IHO1: variants seen among roughly 807,000 people sequenced by gnomAD.
IHO1 encodes the protein interactor of HORMAD1 protein 1.
Under a neutral mutation model 31.0 loss-of-function variants are expected in IHO1, and 13 were observed. The observed-to-expected ratio is 0.42, with a 90% CI of 0.27 to 0.67. The LOEUF (loss-of-function observed/expected upper bound fraction) is 0.67. Among genes scored for constraint, IHO1 ranks in the 30% least tolerant of loss-of-function variants. IHO1 has a pLI of 0.24. For missense variants in IHO1, 599 were observed against 687.5 expected (o/e 0.87, Z 1.44); for synonymous variants, 221 against 248.4 (o/e 0.89, Z 1.04).
At chr3:49,213,716 C>T (rs985578202) in intron 2 of IHO1, among the ~76,000 whole-genome samples, 3 of 152,218 alleles carry the variant, frequency 2.0e-5, no homozygotes, top group Non-Finnish European at 4.4e-5. Flanking sequence ...GGGCCAGCGG[C>T]GCAGGCTGGC....
rs1040534104 is a variant in IHO1, at chr3:49,258,082, A to G, written c.*800A>G. 2.0e-5 allele frequency: 3 copies of G among 152,192 alleles called. No homozygotes were observed. The highest frequency in any genetic ancestry group is 4.4e-5 in the Non-Finnish European group (3 of 68,038). The allele number at this position is 152,192 out of a possible 1,614,324, so 9.4% of individuals were successfully genotyped here. A position where few individuals can be genotyped will look rare whatever the true frequency, so the allele number is the denominator to read the frequency against. On this transcript the variant is annotated 3_prime_UTR_variant, in exon 8 of 8. Coordinates refer to ENST00000452691, the MANE Select transcript of IHO1 (RefSeq NM_001135197.2). ...CAACACAAGTATTTTTTGTTATCAG[A>G]AATAAGATAAAACATTTAAAAGCAT...
intron 2 of IHO1, among the ~76,000 whole-genome samples, chr3:49,224,998 T>C (rs1158415118): frequency 6.6e-6 from 1 of 152,226 alleles, no homozygotes; most frequent in African/African-American, 2.4e-5. Flanking sequence ...CCTTGTATTA[T>C]TTTGATAGCC....
intron 2 of IHO1, among the ~76,000 whole-genome samples, chr3:49,226,411 G>A (rs569891527): frequency 5.3e-4 from 81 of 152,066 alleles, no homozygotes; most frequent in Admixed American, 1.6e-3. Context: ...AAGGCTTCCC[G>A]TAACCGCGCG....
intron 2 of IHO1, among the ~76,000 whole-genome samples, chr3:49,223,387 C>T (rs2046378043): frequency 6.6e-6 from 1 of 152,154 alleles, no homozygotes; most frequent in South Asian, 2.1e-4. Context: ...CCTGAGTTAT[C>T]ATGGCTTTAA....
upstream of IHO1, among the ~76,000 whole-genome samples, chr3:49,195,706 T>A (rs753195941): frequency 6.6e-6 from 1 of 151,346 alleles, no homozygotes; most frequent in Non-Finnish European, 1.5e-5. Flanking sequence ...AGAGTGAGAC[T>A]CCATCTCAAA....
At chr3:49,191,864 T>C in the IHO1 span, 7 of 1,263,730 alleles carry the variant, frequency 5.5e-6, no homozygotes, top group Non-Finnish European at 7.8e-6. Context: ...AATTTTTTGT[T>C]GCTTAGTGAC....
chr3:49,242,822 A>C lies in IHO1; in HGVS notation c.395+1433A>C, dbSNP rs139586035. ...CTCCATCTCAAACAAACAAGCAAAA[A>C]AACAACAACAACAACAAAAAAGAAT... On this transcript the variant is annotated intron_variant, in intron 4 of 7. Transcript: ENST00000452691. Among the ~76,000 whole-genome samples the C allele has an allele frequency of 8.7e-3, 1,319 of 152,218 alleles. 20 individuals carry two copies. The highest frequency in any genetic ancestry group is 0.01 in the Middle Eastern group (3 of 294).
chr3:49,241,779 C>A (rs1559449971), intron 4 of IHO1, among the ~76,000 whole-genome samples: 1 of 151,934 alleles, frequency 6.6e-6, no homozygotes, highest in Admixed American at 6.6e-5. Context: ...TGCCACCATG[C>A]CTGGCTAATT....
At chr3:49,236,923 A>T (rs1448741274) in intron 3 of IHO1, among the ~76,000 whole-genome samples, 1 of 151,950 alleles carries the variant, frequency 6.6e-6, no homozygotes. Flanking sequence ...CTCTACAAAA[A>T]GTACAAAAAT....
chr3:49,200,089 G>A (rs1312168668), intron 1 of IHO1, among the ~76,000 whole-genome samples: 2 of 152,192 alleles, frequency 1.3e-5, no homozygotes, highest in Non-Finnish European at 2.9e-5. Flanking sequence ...GGGGCCTGAA[G>A]TCTGAGTAAG....
intron 1 of IHO1, chr3:49,200,595 C>A (rs1017782568): frequency 3.1e-5 from 31 of 984,314 alleles, no homozygotes; most frequent in Non-Finnish European, 3.7e-5. Flanking sequence ...CGGTCCTCTC[C>A]CCCTCACGTG....
intron 2 of IHO1, among the ~76,000 whole-genome samples, chr3:49,215,717 G>A (rs1008611775): frequency 2.0e-5 from 3 of 152,200 alleles, no homozygotes; most frequent in Non-Finnish European, 2.9e-5. Flanking sequence ...ATTTAGCAGG[G>A]AGGAAATGTA....
In IHO1 at chr3:49,241,351, T is replaced by C; in HGVS notation, c.357T>C (p.Phe119=). ...VGKSKGLLEQ[F]EEKKKRAKDK... ...AATCAAAAGGCCTCTTGGAACAGTTTGAGGAGAAAAAGAAAAGGGCAAAAG... is the reference window on the plus strand; with the variant it reads ...AATCAAAAGGCCTCTTGGAACAGTTCGAGGAGAAAAAGAAAAGGGCAAAAG... Residue 119 remains phenylalanine, a synonymous_variant, in exon 4 of 8, where the codon TTT becomes TTC. Transcript: ENST00000452691. 1 of 1,612,148 alleles carries C rather than the reference T, an allele frequency of 6.2e-7. No homozygotes were observed. The highest frequency in any genetic ancestry group is 1.7e-5 in the Admixed American group (1 of 59,526).
the IHO1 span, chr3:49,191,977 A>G: frequency 8.3e-6 from 5 of 604,006 alleles, no homozygotes; most frequent in South Asian, 1.0e-4. Flanking sequence ...TGTGAGAAAA[A>G]CCTGCCCCTT....
intron 2 of IHO1, among the ~76,000 whole-genome samples, chr3:49,221,351 A>G (rs1024670775): frequency 2.0e-5 from 3 of 152,112 alleles, no homozygotes; most frequent in African/African-American, 4.8e-5. Flanking sequence ...CTATACACAT[A>G]GTGCTGATTG....
At chr3:49,214,589 C>A in intron 2 of IHO1, among the ~76,000 whole-genome samples, 3 of 101,258 alleles carry the variant, frequency 3.0e-5, no homozygotes, top group African/African-American at 3.8e-5. Flanking sequence ...TAGTGAAAAA[C>A]TATCTTTATT....
intron 2 of IHO1, among the ~76,000 whole-genome samples, chr3:49,232,155 A>G (rs747162365): frequency 2.0e-5 from 3 of 152,206 alleles, no homozygotes; most frequent in Non-Finnish European, 4.4e-5. Context: ...GCCAAGCTCT[A>G]GCTACATTTT....
chr3:49,203,266 A>G (rs2046093365), intron 1 of IHO1, among the ~76,000 whole-genome samples: 2 of 152,210 alleles, frequency 1.3e-5, no homozygotes, highest in African/African-American at 4.8e-5. Context: ...TGCAGCACGC[A>G]AAAGCGACAT....
At chr3:49,233,860 C>G (rs2046512689) in intron 2 of IHO1, among the ~76,000 whole-genome samples, 1 of 152,182 alleles carries the variant, frequency 6.6e-6, no homozygotes, top group African/African-American at 2.4e-5. Flanking sequence ...GGCGGAAAAC[C>G]ACTTCCAGGC....
Sources: gnomAD v4.1 joint callset for allele counts (sites outside exome capture counted in the v4.1 genomes callset) on GRCh38, gnomAD v4.1.1 for gene constraint, MANE v1.5 for transcripts, NCBI Gene and HGNC (gene_info 2026-07-23, HGNC 2026-07-21) for gene names.